The following SLIT3 variants were observed in gnomAD, a reference collection of about 807,000 sequenced individuals.
The protein encoded by SLIT3 is slit homolog 3 protein.
Under a neutral mutation model 184.0 loss-of-function variants are expected in SLIT3, and 68 were observed. That is an observed-to-expected ratio of 0.37 (90% CI 0.30 to 0.45). SLIT3 has a LOEUF of 0.45. SLIT3 is among the 20% of genes least tolerant of loss of function. The pLI, the probability that SLIT3 is intolerant of heterozygous loss-of-function variation, is 1.00. For synonymous variants in SLIT3, 831 were observed against 828.6 expected (o/e 1.00, Z -0.05); for missense variants, 1,707 against 2,026.0 (o/e 0.84, Z 3.02).
intron 10 of SLIT3, 61 bp downstream of exon 10, chr5:168,795,446 A>G: frequency 1.5e-6 from 2 of 1,361,172 alleles, no homozygotes; most frequent in South Asian, 2.3e-5. Context: ...CCCACTACAC[A>G]TTGCAAACAA....
chr5:168,904,333 G>A (rs10069222), intron 4 of SLIT3, among the ~76,000 whole-genome samples: 67,984 of 151,844 alleles, frequency 0.45, 15,738 homozygotes, highest in East Asian at 0.63. Context: ...CCAATGGGGG[G>A]AAATAAACCA....
intron 4 of SLIT3, among the ~76,000 whole-genome samples, chr5:168,933,118 T>C (rs1036457300): frequency 5.3e-5 from 8 of 152,090 alleles, no homozygotes; most frequent in African/African-American, 1.9e-4. Flanking sequence ...AAGGCAGAGA[T>C]GTGCAGGGGG....
intron 6 of SLIT3, among the ~76,000 whole-genome samples, chr5:168,840,274 GTATT>G (rs1187190747): frequency 6.6e-6 from 1 of 152,248 alleles, no homozygotes; most frequent in Admixed American, 6.5e-5. Context: ...TTTTGACAAC[GTATT>G]TATTGAACTT....
chr5:169,205,844 A>G (rs1199795452), intron 3 of SLIT3, among the ~76,000 whole-genome samples: 2 of 152,236 alleles, frequency 1.3e-5, no homozygotes, highest in Non-Finnish European at 2.9e-5. Flanking sequence ...TCACAGTAGC[A>G]CAAATCAAAC....
At chr5:169,190,980 G>A (rs2113464716) in intron 4 of SLIT3, among the ~76,000 whole-genome samples, 1 of 152,292 alleles carries the variant, frequency 6.6e-6, no homozygotes, top group Non-Finnish European at 1.5e-5. Flanking sequence ...GGTTAATATA[G>A]CTGCTTCAGT....
chr5:168,882,031 T>C (rs868847112), intron 5 of SLIT3, among the ~76,000 whole-genome samples: 1 of 152,136 alleles, frequency 6.6e-6, no homozygotes, highest in African/African-American at 2.4e-5. Flanking sequence ...TCTTGCGTGC[T>C]TTGCATGTAA....
At chr5:168,743,243 G>A (rs1032320193) in intron 20 of SLIT3, among the ~76,000 whole-genome samples, 12 of 151,326 alleles carry the variant, frequency 7.9e-5, no homozygotes, top group African/African-American at 2.7e-4. Flanking sequence ...TAGATATTGC[G>A]TTTTTTAAAA....
chr5:168,712,045 A>G (rs1762575984), intron 24 of SLIT3, among the ~76,000 whole-genome samples: 1 of 152,234 alleles, frequency 6.6e-6, no homozygotes, highest in African/African-American at 2.4e-5. Flanking sequence ...ACCCCATAGT[A>G]CATGTTTTCT....
chr5:169,008,087 C>T (rs148616174), intron 4 of SLIT3, among the ~76,000 whole-genome samples: 2,187 of 152,268 alleles, frequency 0.014, 24 homozygotes, highest in Non-Finnish European at 0.02. Context: ...CTATGTGGCT[C>T]TTGGTGAACT....
At chr5:168,695,295 C>T (rs1326669019) in intron 28 of SLIT3, among the ~76,000 whole-genome samples, 3 of 152,130 alleles carry the variant, frequency 2.0e-5, no homozygotes, top group Admixed American at 2.0e-4. Context: ...GTGCTTCTTG[C>T]AACACAGGAT....
intron 4 of SLIT3, among the ~76,000 whole-genome samples, chr5:169,084,887 T>C (rs1759228312): frequency 6.6e-6 from 1 of 151,962 alleles, no homozygotes; most frequent in Admixed American, 6.6e-5. Context: ...ACACAAAGGC[T>C]CCCATGGGCC....
chr5:168,753,354 G>A (rs1341450505), intron 17 of SLIT3, among the ~76,000 whole-genome samples: 4 of 152,230 alleles, frequency 2.6e-5, no homozygotes, highest in East Asian at 1.9e-4. Flanking sequence ...GTATACACAC[G>A]CATATTGTGT....
chr5:168,686,142 C>A lies in SLIT3; in HGVS notation c.3315-215G>T, dbSNP rs962602175. Among the ~76,000 whole-genome samples, 4 of 152,280 alleles carry A rather than the reference C, an allele frequency of 2.6e-5. No homozygotes were observed. The South Asian group carries it at 6.2e-4, about 24-fold the overall frequency. Reference sequence around the variant, plus strand: ...CCATTTTTAAGAGAGTTGGGGTAGCCATGGTGGCATGAGCCTGTAGTCCCA... The same window carrying A: ...CCATTTTTAAGAGAGTTGGGGTAGCAATGGTGGCATGAGCCTGTAGTCCCA... On this transcript the variant is annotated intron_variant, in intron 30 of 35. Coordinates refer to ENST00000519560, the MANE Select transcript of SLIT3 (RefSeq NM_003062.4).
chr5:169,294,574 A>T (rs966949547), intron 1 of SLIT3, among the ~76,000 whole-genome samples: 5 of 152,224 alleles, frequency 3.3e-5, no homozygotes, highest in African/African-American at 1.2e-4. Context: ...GGCGTCTCAA[A>T]CCTTCCAGCT....
At chr5:169,059,308 C>T (rs1048531789) in intron 4 of SLIT3, among the ~76,000 whole-genome samples, 2 of 152,118 alleles carry the variant, frequency 1.3e-5, no homozygotes, top group Admixed American at 6.5e-5. Context: ...GGGAGCTCAC[C>T]GTTCACACAT....
At position 169,300,883 on chromosome 5, in the gene SLIT3, G is replaced by GAGC. The variant is rs1561794715; in HGVS notation, c.-175_-174insGCT. Reference sequence around the variant, plus strand: ...GGGCGCGGGCGGAGCGGGGCGCTCCGGGCGGCGGCGGCGGCAGCAACAGCA... The same window carrying GAGC: ...GGGCGCGGGCGGAGCGGGGCGCTCCGAGCGGCGGCGGCGGCGGCAGCAACAGCA... On this transcript the variant is annotated 5_prime_UTR_variant, in exon 1 of 36. Transcript: ENST00000519560. This position sits in a 1 kb window ranked among gnomAD's most constrained non-coding sequence, Gnocchi z 4.1. 7 of 439,446 alleles carry GAGC rather than the reference G, an allele frequency of 1.6e-5. No individual in the cohort carries two copies. In the South Asian group the frequency reaches 7.2e-4, roughly 45 times the overall value. The allele number at this position is 439,446 out of a possible 1,614,324, so 27.2% of individuals were successfully genotyped here. A position where few individuals can be genotyped will look rare whatever the true frequency, so the allele number is the denominator to read the frequency against.
chr5:168,830,744 G>T (rs1303319367), intron 6 of SLIT3, among the ~76,000 whole-genome samples: 1 of 152,212 alleles, frequency 6.6e-6, no homozygotes, highest in African/African-American at 2.4e-5. Context: ...CACAGCCAGA[G>T]GTGCGGAGCC....
At chr5:168,756,741 C>T (rs191168605) in intron 16 of SLIT3, among the ~76,000 whole-genome samples, 7 of 152,220 alleles carry the variant, frequency 4.6e-5, no homozygotes, top group East Asian at 3.9e-4. Flanking sequence ...ATAAGTCACC[C>T]GAATGCCAGA....
chr5:168,889,940 C>T (rs1760382623), intron 4 of SLIT3, among the ~76,000 whole-genome samples: 2 of 152,040 alleles, frequency 1.3e-5, no homozygotes, highest in Admixed American at 6.6e-5. Context: ...GTCAGGATTT[C>T]GAGACCAGCC....
Sources: allele counts gnomAD v4.1 joint callset (sites outside exome capture counted in the v4.1 genomes callset), GRCh38; gene constraint gnomAD v4.1.1; non-coding constraint Gnocchi (gnomAD v3.1); transcripts MANE v1.5; gene names NCBI Gene and HGNC (gene_info 2026-07-23, HGNC 2026-07-21).